The following CNTRL variants were observed in gnomAD, a reference collection of about 807,000 sequenced individuals.
CNTRL encodes centriolin, also known as 110 kDa centrosomal protein.
Under a neutral mutation model 303.7 loss-of-function variants are expected in CNTRL, and 233 were observed. That is an observed-to-expected ratio of 0.77 (90% confidence interval 0.69 to 0.86). The LOEUF is 0.86. CNTRL is among the 40% of genes least tolerant of loss of function. The pLI, the probability that CNTRL is intolerant of heterozygous loss-of-function variation, is 0.00. For missense variants in CNTRL, 2,524 were observed against 2,650.6 expected (o/e 0.95, Z 1.05); for synonymous variants, 900 against 922.2 (o/e 0.98, Z 0.44).
At chr9:121,127,979 C>A (rs1000140158) in intron 14 of CNTRL, among the ~76,000 whole-genome samples, 2 of 151,992 alleles carry the variant, frequency 1.3e-5, no homozygotes, top group African/African-American at 4.8e-5. Context: ...TGAACTCATC[C>A]TTTTTTATGG....
At chr9:121,167,773 A>C in intron 37 of CNTRL, 96 bp downstream of exon 37, 7 of 1,070,014 alleles carry the variant, frequency 6.5e-6, no homozygotes, top group East Asian at 2.5e-5. Flanking sequence ...AATATCCCCA[A>C]TGGGACTATG....
chr9:121,095,701 CTTA>C (rs1206304642), intron 5 of CNTRL, among the ~76,000 whole-genome samples: 7 of 152,156 alleles, frequency 4.6e-5, no homozygotes, highest in African/African-American at 7.2e-5. Flanking sequence ...GAACCAAACC[CTTA>C]TTATAAAATT....
chr9:121,138,118 C>T (rs989210723), intron 15 of CNTRL, among the ~76,000 whole-genome samples: 7 of 152,126 alleles, frequency 4.6e-5, no homozygotes, highest in East Asian at 1.9e-4. Context: ...GATTCTGATC[C>T]AGAATCTCTT....
At chr9:121,109,811 T>A (rs1203087084) in intron 8 of CNTRL, among the ~76,000 whole-genome samples, 2 of 152,144 alleles carry the variant, frequency 1.3e-5, no homozygotes, top group East Asian at 3.8e-4. Flanking sequence ...AATGGAATCT[T>A]GTTTTAATTT....
intron 32 of CNTRL, chr9:121,161,262 C>T: frequency 4.6e-6 from 2 of 438,296 alleles, no homozygotes; most frequent in South Asian, 5.1e-5. Context: ...TTCTCTTATG[C>T]TTTTTTTTTG....
intron 27 of CNTRL, 160 bp downstream of exon 27, chr9:121,155,073 AT>A: frequency 1.6e-6 from 1 of 641,518 alleles, no homozygotes. Context: ...AGATGTGAGA[AT>A]TTATGCAAGT....
chr9:121,145,233 T>G lies in CNTRL; in HGVS notation c.3169-11T>G. The G allele has an allele frequency of 2.5e-6, 4 of 1,599,330 alleles. No individual in the cohort carries two copies. The highest frequency in any genetic ancestry group is 3.4e-6 in the Non-Finnish European group (4 of 1,175,900). On this transcript the variant is annotated splice_polypyrimidine_tract_variant and intron_variant, in intron 21 of 43. Transcript: ENST00000373855. ...CATTGGCAACTTTGTATGTGTAATT[T>G]TTTTAAATAGTTTCGACTTGAGATG...
At chr9:121,120,498 AGACATGAACTCTAT>A (rs1364517058) in intron 12 of CNTRL, among the ~76,000 whole-genome samples, 2 of 152,188 alleles carry the variant, frequency 1.3e-5, no homozygotes, top group Non-Finnish European at 2.9e-5. Flanking sequence ...AGGTCCCTGA[AGACATGAACTCTAT>A]CCTACTGGTA....
At chr9:121,137,444 C>T (rs777227380) in intron 15 of CNTRL, among the ~76,000 whole-genome samples, 17 of 152,040 alleles carry the variant, frequency 1.1e-4, no homozygotes, top group Non-Finnish European at 2.2e-4. Flanking sequence ...ATATGAGAAG[C>T]GTCAATATGT....
chr9:121,091,237 A>T (rs910275288), intron 4 of CNTRL, among the ~76,000 whole-genome samples: 2 of 152,236 alleles, frequency 1.3e-5, no homozygotes, highest in Non-Finnish European at 2.9e-5. Context: ...ACATGAACAC[A>T]TTATAATAGA....
At chr9:121,116,378 TTA>T (rs2049975974) in intron 11 of CNTRL, among the ~76,000 whole-genome samples, 1 of 152,102 alleles carries the variant, frequency 6.6e-6, no homozygotes, top group Non-Finnish European at 1.5e-5. Context: ...TTTTTATTTT[TTA>T]TTTTTATTTT....
chr9:121,110,322 A>G (rs1221427505), intron 8 of CNTRL, among the ~76,000 whole-genome samples: 1 of 152,170 alleles, frequency 6.6e-6, no homozygotes, highest in African/African-American at 2.4e-5. Context: ...AATGAAAATA[A>G]TTTGAAATGA....
intron 16 of CNTRL, among the ~76,000 whole-genome samples, chr9:121,139,315 G>A (rs867330309): frequency 2.0e-5 from 3 of 152,098 alleles, no homozygotes; most frequent in Non-Finnish European, 2.9e-5. Context: ...TCATCACTCA[G>A]TTCTCCAAAT....
At chr9:121,159,042 C>T in intron 31 of CNTRL, 23 bp downstream of exon 31, 1 of 1,609,596 alleles carries the variant, frequency 6.2e-7, no homozygotes. Context: ...TTAGGGTTTT[C>T]TGAAGAGTCG....
Position 121,148,451 on chromosome 9 carries a change from C to T in CNTRL, c.3460-221C>T, listed in dbSNP as rs1472155721. On this transcript the variant is annotated intron_variant, in intron 23 of 43. Transcript: ENST00000373855. ...CATGGCTTCCCTGACCCTGCCATGTCGATCAAGTCCAGAGGGATGTTAATA... is the reference window on the plus strand; with the variant it reads ...CATGGCTTCCCTGACCCTGCCATGTTGATCAAGTCCAGAGGGATGTTAATA... 3.3e-5 allele frequency among the ~76,000 whole-genome samples: 5 copies of T among 152,264 alleles called. No homozygotes were observed. The Middle Eastern group carries it at 0.01, about 311-fold the overall frequency.
At chr9:121,174,464 T>C (rs181989885) in intron 42 of CNTRL, among the ~76,000 whole-genome samples, 7 of 152,240 alleles carry the variant, frequency 4.6e-5, no homozygotes, top group Non-Finnish European at 1.0e-4. Flanking sequence ...CACATGTGTC[T>C]AGTGGCTTCT....
chr9:121,177,074 T>A, intron 43 of CNTRL, 89 bp from the exon 44 acceptor site: 1 of 1,032,574 alleles, frequency 9.7e-7, no homozygotes. Flanking sequence ...AATATGTCAT[T>A]TACCTATAAG....
Position 121,157,879 on chromosome 9 carries a change from GAGTA to G in CNTRL, c.4637+6_4637+9del, listed in dbSNP as rs764507812. 3 of 1,613,970 alleles carry G rather than the reference GAGTA, an allele frequency of 1.9e-6. No individual in the cohort carries two copies. The highest frequency in any genetic ancestry group is 1.1e-5 in the South Asian group (1 of 91,068). ...CAAGAAGAAGGAAAAACTGACAGAAGAGTAAGTAAGGCCTCTGTAGGGCTACAAG... is the reference window on the plus strand; with the variant it reads ...CAAGAAGAAGGAAAAACTGACAGAAGAGTAAGGCCTCTGTAGGGCTACAAG... On this transcript the variant is annotated splice_donor_variant and splice_donor_region_variant and coding_sequence_variant and intron_variant, in exon 29 of 44. Coordinates refer to ENST00000373855, the MANE Select transcript of CNTRL (RefSeq NM_007018.6). LOFTEE classifies it high-confidence loss of function.
chr9:121,127,755 A>G (rs988214234), intron 14 of CNTRL, among the ~76,000 whole-genome samples: 205 of 151,028 alleles, frequency 1.4e-3, no homozygotes, highest in African/African-American at 4.8e-3. Flanking sequence ...TTAACTCGTC[A>G]TTTACATTAG....
Sources: gnomAD v4.1 joint callset for allele counts (sites outside exome capture counted in the v4.1 genomes callset) on GRCh38, gnomAD v4.1.1 for gene constraint, MANE v1.5 for transcripts, NCBI Gene and HGNC (gene_info 2026-07-23, HGNC 2026-07-21) for gene names.